The following GNPDA2 variants were observed in gnomAD, a reference collection of about 807,000 sequenced individuals.
GNPDA2 encodes glcN6P deaminase 2.
GNPDA2 carries 24 observed loss-of-function variants against 27.0 expected under a neutral mutation model. That is an observed-to-expected ratio of 0.89 (90% CI 0.64 to 1.25). GNPDA2 has a LOEUF of 1.25. GNPDA2 is among the 50% of genes most tolerant of loss of function. The probability of loss-of-function intolerance (pLI) is 0.00; values close to 1 mark genes in which losing one functional copy is unlikely to be tolerated. For synonymous variants in GNPDA2, 94 were observed against 108.4 expected (o/e 0.87, Z 0.83); for missense variants, 286 against 335.1 (o/e 0.85, Z 1.14).
At chr4:44,722,265 C>T in intron 1 of GNPDA2, 23 bp from the exon 2 acceptor site, 1 of 1,557,922 alleles carries the variant, frequency 6.4e-7, no homozygotes, top group African/African-American at 1.4e-5. Flanking sequence ...CATTGTAGAA[C>T]ACTTTACATA....
rs764541285 is a variant in GNPDA2, at chr4:44,703,142, C to A, written c.770G>T (p.Gly257Val). ...LRVKTVKYFK[G>V]LMHVHNKLVD... ...AAGTTTATTGTGCACATGCATTAGA[C>A]CTTAAAGAAAAAAAGCACAGTTCTA... Residue 257 changes from glycine to valine, a missense_variant and splice_region_variant, in exon 7 of 7, where the codon GGT (glycine) becomes GTT (valine). Gly to Val is a moderately radical substitution (Grantham distance 109, BLOSUM62 -3). Coordinates refer to ENST00000295448, the MANE Select transcript of GNPDA2 (RefSeq NM_138335.3). The A allele has an allele frequency of 7.5e-6, 12 of 1,606,052 alleles. No homozygotes were observed. In the Admixed American group the frequency reaches 2.1e-4, roughly 27 times the overall value.
intron 6 of GNPDA2, chr4:44,706,479 A>G (rs1050077716): frequency 6.6e-6 from 1 of 152,020 alleles, no homozygotes; most frequent in Non-Finnish European, 1.5e-5. Context: ...GACTATTTTC[A>G]GTGCTTGCCA....
rs182131585 is a variant in GNPDA2 at position 44,707,868 on chromosome 4, T to C, written c.653A>G (p.Glu218Gly). Residue 218 changes from glutamate (E) to glycine (G), a missense_variant, in exon 6 of 7, where the codon GAA becomes GGA. Transcript: ENST00000295448. Reference protein sequence around the residue: ...KAFALYKAIEEGVNHMWTVSA... With the variant: ...KAFALYKAIEGGVNHMWTVSA... ...AACAGTCCACATGTGATTGACTCCT[T>C]CTTCTATTGCTTTGTACAGGGCAAA... 10 of 1,613,310 alleles carry C rather than the reference T, an allele frequency of 6.2e-6. No homozygotes were observed. In the East Asian group the frequency reaches 6.7e-5, roughly 11 times the overall value.
Position 44,717,101 on chromosome 4 carries a change from G to T in GNPDA2, c.409+12C>A. On this transcript the variant is annotated intron_variant, in intron 4 of 6. Transcript: ENST00000295448. Reference sequence around the variant, plus strand: ...ACTAACAAACAGTTAATGACAAAAGGTTTTTACATACCTCCAACAAAAAGA... The same window carrying T: ...ACTAACAAACAGTTAATGACAAAAGTTTTTTACATACCTCCAACAAAAAGA... The T allele has an allele frequency of 1.3e-6, 2 of 1,579,314 alleles. No homozygotes were observed. The highest frequency in any genetic ancestry group is 1.2e-5 in the South Asian group (1 of 86,258).
chr4:44,726,513 A>G lies in GNPDA2; in HGVS notation c.-75T>C, dbSNP rs61741743. On this transcript the variant is annotated 5_prime_UTR_variant, in exon 1 of 7. Transcript: ENST00000295448. ...GTTCTTCGATGCTGGAACAGCGGGA[A>G]CAAGCAACACCCAACCACCCGAGAG... 4,080 of 152,484 alleles carry G rather than the reference A, an allele frequency of 0.027. 73 individuals carry two copies. Among genetic ancestry groups the G allele is most frequent in the Non-Finnish European group, 0.039 (2,685 of 68,162 alleles). 9.4% of individuals were successfully genotyped at this position (152,484 alleles called of 1,614,324 possible).
chr4:44,703,967 G>A, intron 6 of GNPDA2: 1 of 984,696 alleles, frequency 1.0e-6, no homozygotes, highest in Non-Finnish European at 1.2e-6. Context: ...ACATGGGAGG[G>A]TGGGGAAAGG....
At chr4:44,721,442 C>A (rs373762457) in intron 2 of GNPDA2, among the ~76,000 whole-genome samples, 3 of 152,070 alleles carry the variant, frequency 2.0e-5, no homozygotes, top group Non-Finnish European at 2.9e-5. Flanking sequence ...CCAGGTCTAA[C>A]ACTCTGTGAA....
chr4:44,704,183 A>G, intron 6 of GNPDA2: 1 of 984,818 alleles, frequency 1.0e-6, no homozygotes, highest in South Asian at 4.7e-5. Flanking sequence ...ATGGGACTCT[A>G]AAGGAGGGAA....
rs561682173 is a variant in GNPDA2 at position 44,705,532 on chromosome 4, C to T, written c.769+2220G>A. 25 of 867,978 alleles carry T rather than the reference C, an allele frequency of 2.9e-5. No individual in the cohort carries two copies. The South Asian group carries it at 1.3e-3, about 44-fold the overall frequency. The allele number at this position is 867,978 out of a possible 1,614,324, so 53.8% of individuals were successfully genotyped here. A position where few individuals can be genotyped will look rare whatever the true frequency, so the allele number is the denominator to read the frequency against. Reference sequence around the variant, plus strand: ...TCAGAAGAGCTTACAATTAGATGAACTAAAAGAACTAAATACATATAAACA... The same window carrying T: ...TCAGAAGAGCTTACAATTAGATGAATTAAAAGAACTAAATACATATAAACA... On this transcript the variant is annotated intron_variant, in intron 6 of 6. Coordinates refer to ENST00000295448, the MANE Select transcript of GNPDA2 (RefSeq NM_138335.3).
At chr4:44,723,150 TTACACAA>T (rs760607822) in intron 1 of GNPDA2, among the ~76,000 whole-genome samples, 39 of 152,204 alleles carry the variant, frequency 2.6e-4, no homozygotes, top group Admixed American at 2.1e-3. Flanking sequence ...TAATTCCATT[TTACACAA>T]TGTAGGTTGA....
chr4:44,711,936 T>C (rs1717009162), intron 4 of GNPDA2, among the ~76,000 whole-genome samples: 4 of 152,020 alleles, frequency 2.6e-5, no homozygotes, highest in Admixed American at 6.6e-5. Flanking sequence ...ACATTGCATT[T>C]CATTAACAAA....
intron 6 of GNPDA2, chr4:44,704,442 C>T: frequency 1.1e-6 from 1 of 887,494 alleles, no homozygotes; most frequent in African/African-American, 1.8e-5. Flanking sequence ...AAAATACATG[C>T]AAATTAAAAT....
At chr4:44,716,966 A>C in intron 4 of GNPDA2, 147 bp downstream of exon 4, 1 of 525,010 alleles carries the variant, frequency 1.9e-6, no homozygotes, top group Non-Finnish European at 3.3e-6. Flanking sequence ...AAGAAAATGA[A>C]AACAGGAATC....
In GNPDA2 at chr4:44,703,486, G is replaced by A. The variant is rs942389520; in HGVS notation, c.770-344C>T. On this transcript the variant is annotated intron_variant, in intron 6 of 6. Coordinates refer to ENST00000295448, the MANE Select transcript of GNPDA2 (RefSeq NM_138335.3). ...GTTTTAATTATATCTAAAAGTCTAT[G>A]TTGATATTGATCCTCTGGCAGTTCC... is the stretch of plus-strand genomic sequence containing the variant. The A allele has an allele frequency of 8.9e-6, 9 of 1,015,356 alleles. No homozygotes were observed. The African/African-American group carries it at 1.6e-4, about 18-fold the overall frequency. The allele number at this position is 1,015,356 out of a possible 1,614,324, so 62.9% of individuals were successfully genotyped here.
intron 6 of GNPDA2, chr4:44,704,482 T>C: frequency 1.3e-6 from 1 of 782,490 alleles, no homozygotes; most frequent in Non-Finnish European, 1.5e-6. Flanking sequence ...TCAACTCCTT[T>C]ATAAAATTTT....
At position 44,702,514 on chromosome 4, in the gene GNPDA2, A is replaced by T. The variant is rs950830395; in HGVS notation, c.*567T>A. ...TACTTTCCAAAAGGATGTAAACTGT[A>T]CTTTTAGGCACTGTCATCTCTTCAA... On this transcript the variant is annotated 3_prime_UTR_variant, in exon 7 of 7. Transcript: ENST00000295448. 1 of 985,750 alleles carries T rather than the reference A, an allele frequency of 1.0e-6. No homozygotes were observed. The highest frequency in any genetic ancestry group is 1.7e-5 in the African/African-American group (1 of 57,220). 61.1% of individuals were successfully genotyped at this position (985,750 alleles called of 1,614,324 possible).
At chr4:44,709,483 A>T (rs542673835) in intron 5 of GNPDA2, among the ~76,000 whole-genome samples, 1 of 152,298 alleles carries the variant, frequency 6.6e-6, no homozygotes, top group African/African-American at 2.4e-5. Context: ...TTAAAGAAGC[A>T]AGCTAGGTGT....
At position 44,703,090 on chromosome 4, in the gene GNPDA2, A is replaced by G; in HGVS notation, c.822T>C (p.Asp274=). 2 of 1,611,940 alleles carry G rather than the reference A, an allele frequency of 1.2e-6. No homozygotes were observed. Among genetic ancestry groups the G allele is most frequent in the Non-Finnish European group, 1.7e-6 (2 of 1,179,022 alleles). ...KLVDPLFSMK[D]GN is the part of the protein sequence containing the mutation. ...TTTGCTCCAGTCTCCTTCAGTTTCCATCTTTCATACTGAATAGTGGATCCA... is the reference window on the plus strand; with the variant it reads ...TTTGCTCCAGTCTCCTTCAGTTTCCGTCTTTCATACTGAATAGTGGATCCA... The change falls in exon 7 of 7, where the codon GAT becomes GAC. Residue 274 remains aspartate (D), a synonymous_variant. Transcript: ENST00000295448.
intron 1 of GNPDA2, among the ~76,000 whole-genome samples, chr4:44,725,101 T>C (rs1110291): frequency 0.53 from 79,871 of 151,952 alleles, 22,423 homozygotes; most frequent in Non-Finnish European, 0.64. Flanking sequence ...CCTGGGCATG[T>C]TATTTTTCTC....
Sources: allele counts gnomAD v4.1 joint callset (sites outside exome capture counted in the v4.1 genomes callset), GRCh38; gene constraint gnomAD v4.1.1; transcripts MANE v1.5; gene names NCBI Gene and HGNC (gene_info 2026-07-23, HGNC 2026-07-21).